The following AK4 variants were observed in gnomAD, a reference collection of about 807,000 sequenced individuals.
The protein encoded by AK4 is adenylate kinase 4, mitochondrial.
In AK4, 13 loss-of-function variants were observed where a neutral mutation model predicts 24.6. That is an observed-to-expected ratio of 0.53 (90% CI 0.34 to 0.84). The LOEUF (loss-of-function observed/expected upper bound fraction) is 0.84, where lower values mean the gene tolerates loss of function less well. AK4 is among the 40% of genes least tolerant of loss of function. The pLI is 0.01. For missense variants in AK4, 192 were observed against 288.2 expected (o/e 0.67, Z 2.42); for synonymous variants, 88 against 107.0 (o/e 0.82, Z 1.10).
At chr1:65,159,090 A>G (rs1458496561) in intron 1 of AK4, among the ~76,000 whole-genome samples, 1 of 152,180 alleles carries the variant, frequency 6.6e-6, no homozygotes, top group East Asian at 1.9e-4. Context: ...AATAATGCAG[A>G]GTCATTCTTG....
intron 1 of AK4, among the ~76,000 whole-genome samples, chr1:65,152,884 G>A (rs1050513629): frequency 6.6e-6 from 1 of 152,150 alleles, no homozygotes; most frequent in Non-Finnish European, 1.5e-5. Flanking sequence ...CTGAGAACTG[G>A]AAGATAGAAA....
At position 65,168,334 on chromosome 1, in the gene AK4, C is replaced by T. The variant is rs775669318; in HGVS notation, c.145+19782C>T. Among the ~76,000 whole-genome samples the T allele has an allele frequency of 5.3e-5, 8 of 151,978 alleles. 1 individual carries two copies. The highest frequency in any genetic ancestry group is 1.3e-4 in the Admixed American group (2 of 15,234). On this transcript the variant is annotated intron_variant, in intron 1 of 4. Coordinates refer to ENST00000327299, the MANE Select transcript of AK4 (RefSeq NM_013410.4). ...GCTAATTTTGTATTTTTAGTAGAGA[C>T]GAGGTTTCACCATGTTGGTAAGTCT...
chr1:65,215,112 G>T (rs1035638342), intron 2 of AK4, among the ~76,000 whole-genome samples: 1 of 151,946 alleles, frequency 6.6e-6, no homozygotes, highest in East Asian at 1.9e-4. Context: ...GAAAGTCTGG[G>T]ACAGGATCTG....
intron 2 of AK4, among the ~76,000 whole-genome samples, chr1:65,202,225 A>C (rs1248661053): frequency 6.8e-6 from 1 of 147,136 alleles, no homozygotes; most frequent in African/African-American, 2.5e-5. Context: ...GTGAGACCCC[A>C]CCTCTACTAA....
intron 4 of AK4, among the ~76,000 whole-genome samples, chr1:65,225,540 A>T (rs1385273160): frequency 6.6e-6 from 1 of 152,152 alleles, no homozygotes; most frequent in Non-Finnish European, 1.5e-5. Context: ...AACATATTTA[A>T]ATTTTTTAAA....
At chr1:65,213,917 G>A (rs1162651560) in intron 2 of AK4, among the ~76,000 whole-genome samples, 1 of 152,184 alleles carries the variant, frequency 6.6e-6, no homozygotes, top group African/African-American at 2.4e-5. Flanking sequence ...ACATTTGGAC[G>A]TGGATACATA....
At chr1:65,200,103 TTTTTGTTTTG>T (rs10676984) in intron 2 of AK4, among the ~76,000 whole-genome samples, 21 of 149,804 alleles carry the variant, frequency 1.4e-4, no homozygotes, top group South Asian at 1.1e-3. Flanking sequence ...AGGTAACAGG[TTTTTGTTTTG>T]TTTTGTTTTG....
chr1:65,151,846 G>A lies in AK4; in HGVS notation c.145+3294G>A, dbSNP rs1461570809. 3.9e-5 allele frequency among the ~76,000 whole-genome samples: 6 copies of A among 152,270 alleles called. No homozygotes were observed. In the South Asian group the frequency reaches 1.2e-3, roughly 32 times the overall value. ...TTCCTACACTGCCTAGAGTGGTACAGGCTGAGGCTTATCAGATACCTCATT... is the reference window on the plus strand; with the variant it reads ...TTCCTACACTGCCTAGAGTGGTACAAGCTGAGGCTTATCAGATACCTCATT... On this transcript the variant is annotated intron_variant, in intron 1 of 4. Transcript: ENST00000327299.
intron 2 of AK4, among the ~76,000 whole-genome samples, chr1:65,192,685 G>C (rs149184872): frequency 5.3e-5 from 8 of 152,332 alleles, no homozygotes; most frequent in African/African-American, 1.9e-4. Context: ...CCCTTCAGCT[G>C]TGAGCCTGTG....
chr1:65,166,310 CTG>C (rs34870729), intron 1 of AK4, among the ~76,000 whole-genome samples: 32,416 of 142,836 alleles, frequency 0.23, 3,578 homozygotes, highest in African/African-American at 0.28. Context: ...GGGATTTAAG[CTG>C]TGTGTGTGTG....
intron 2 of AK4, among the ~76,000 whole-genome samples, chr1:65,208,073 T>G (rs887535338): frequency 6.6e-6 from 1 of 152,212 alleles, no homozygotes; most frequent in Non-Finnish European, 1.5e-5. Flanking sequence ...AATAATAGTT[T>G]TGCTGATAGT....
intron 2 of AK4, among the ~76,000 whole-genome samples, chr1:65,203,171 T>A (rs1464307657): frequency 2.0e-5 from 3 of 151,876 alleles, no homozygotes; most frequent in Admixed American, 2.0e-4. Context: ...CTGTGCCGAG[T>A]TGTATAGTCT....
intron 2 of AK4, among the ~76,000 whole-genome samples, chr1:65,195,271 C>G (rs1368159545): frequency 6.6e-6 from 1 of 152,156 alleles, no homozygotes; most frequent in Non-Finnish European, 1.5e-5. Flanking sequence ...ACCTGATCAT[C>G]TCTTAAAGGC....
chr1:65,199,013 G>A (rs1651575998), intron 2 of AK4, among the ~76,000 whole-genome samples: 1 of 151,700 alleles, frequency 6.6e-6, no homozygotes, highest in Non-Finnish European at 1.5e-5. Context: ...CTGAACCTGG[G>A]GAGGTCAAAG....
intron 1 of AK4, 87 bp from the exon 2 acceptor site, chr1:65,190,623 A>G: frequency 6.8e-7 from 1 of 1,474,568 alleles, no homozygotes; most frequent in South Asian, 1.3e-5. Flanking sequence ...ATCAGGAAGG[A>G]TGGAGAGAAG....
chr1:65,148,440 C>T lies in AK4; in HGVS notation c.33C>T (p.Leu11=), dbSNP rs571442580. 10 of 1,563,756 alleles carry T rather than the reference C, an allele frequency of 6.4e-6. 1 individual carries two copies. In the East Asian group the frequency reaches 1.7e-4, roughly 26 times the overall value. The change falls in exon 1 of 5, where the codon CTC becomes CTT. Residue 11 remains leucine (L), a synonymous_variant. Coordinates refer to ENST00000327299, the MANE Select transcript of AK4 (RefSeq NM_013410.4). Reference sequence around the variant, plus strand: ...CCAAACTCCTGCGCGCGGTCATCCTCGGGCCGCCCGGCTCGGGCAAGGGCA... The same window carrying T: ...CCAAACTCCTGCGCGCGGTCATCCTTGGGCCGCCCGGCTCGGGCAAGGGCA... MASKLLRAVI[L]GPPGSGKGTV... is the part of the protein sequence containing the mutation.
chr1:65,195,292 A>G (rs189208746), intron 2 of AK4, among the ~76,000 whole-genome samples: 1 of 152,306 alleles, frequency 6.6e-6, no homozygotes, highest in Admixed American at 6.5e-5. Flanking sequence ...CCCACCTCCC[A>G]ATACCTTTAA....
In AK4 at chr1:65,221,140, G is replaced by A. The variant is rs191692301; in HGVS notation, c.438+2214G>A. ...AAAGAATTATTGTTTTTTTGATAAA[G>A]ACTATTTGGTTTATGATAAAGACTA... is the stretch of plus-strand genomic sequence containing the variant. On this transcript the variant is annotated intron_variant, in intron 3 of 4. Transcript: ENST00000327299. Among the ~76,000 whole-genome samples the A allele has an allele frequency of 3.1e-4, 47 of 152,254 alleles. 1 individual carries two copies. The highest frequency in any genetic ancestry group is 2.0e-3 in the Admixed American group (31 of 15,302).
intron 1 of AK4, among the ~76,000 whole-genome samples, chr1:65,156,232 A>T (rs1038419026): frequency 6.6e-6 from 1 of 152,200 alleles, no homozygotes; most frequent in Non-Finnish European, 1.5e-5. Flanking sequence ...TTTCATGCCT[A>T]TCCCTGACTC....
Sources: allele counts gnomAD v4.1 joint callset (sites outside exome capture counted in the v4.1 genomes callset), GRCh38; gene constraint gnomAD v4.1.1; transcripts MANE v1.5; gene names NCBI Gene and HGNC (gene_info 2026-07-23, HGNC 2026-07-21).